Variants in BICDL1 observed in about 807,000 individuals in gnomAD.
BICDL1 encodes the protein BICD family like cargo adaptor 1.
In BICDL1, 20 loss-of-function variants were observed where a neutral mutation model predicts 76.8. The observed-to-expected ratio is 0.26, with a 90% confidence interval of 0.18 to 0.38. The LOEUF (loss-of-function observed/expected upper bound fraction) is 0.38. Among genes scored for constraint, BICDL1 ranks in the 10% least tolerant of loss-of-function variants. The pLI, the probability that BICDL1 is intolerant of heterozygous loss-of-function variation, is 1.00. For missense variants in BICDL1, 700 were observed against 798.6 expected, an observed-to-expected ratio of 0.88 and a Z score of 1.49; for synonymous variants, 383 against 337.1, an observed-to-expected ratio of 1.14 and a Z score of -1.49.
intron 1 of BICDL1, among the ~76,000 whole-genome samples, chr12:119,997,356 T>C (rs572027467): frequency 2.0e-4 from 31 of 152,328 alleles, no homozygotes; most frequent in African/African-American, 7.2e-4. Context: ...GCAATTTGTT[T>C]TATCAGTCTC....
chr12:120,086,850 G>A (rs1465711246), intron 8 of BICDL1, among the ~76,000 whole-genome samples: 3 of 152,174 alleles, frequency 2.0e-5, no homozygotes, highest in Non-Finnish European at 4.4e-5. Flanking sequence ...CATGAATGAC[G>A]AGCACTTATT....
At chr12:119,996,002 T>A (rs1951637548) in intron 1 of BICDL1, among the ~76,000 whole-genome samples, 1 of 150,084 alleles carries the variant, frequency 6.7e-6, no homozygotes. Context: ...AAAAAAAAAA[T>A]TCTCATTTTT....
At chr12:119,992,186 T>A (rs1951538263) in intron 1 of BICDL1, among the ~76,000 whole-genome samples, 3 of 152,212 alleles carry the variant, frequency 2.0e-5, no homozygotes, top group Non-Finnish European at 4.4e-5. Flanking sequence ...TTTAAAGTTT[T>A]AAAAATGTTC....
Position 120,057,981 on chromosome 12 carries a change from C to T in BICDL1, c.646-3729C>T, listed in dbSNP as rs532751927. ...GAATAGCTGGGACCACAGGCGCCCG[C>T]CACCACGCCTGGAGAATTTTTTTTT... On this transcript the variant is annotated intron_variant, in intron 2 of 9. Transcript: ENST00000548673. Among the ~76,000 whole-genome samples the T allele has an allele frequency of 2.6e-5, 4 of 152,082 alleles. No homozygotes were observed. The South Asian group carries it at 6.2e-4, about 24-fold the overall frequency.
chr12:120,085,296 AAAG>A (rs1214068792), intron 8 of BICDL1, among the ~76,000 whole-genome samples: 1 of 152,080 alleles, frequency 6.6e-6, no homozygotes, highest in Non-Finnish European at 1.5e-5. Context: ...AACAAAAAAA[AAAG>A]AAGTAGCCAG....
Position 120,093,253 on chromosome 12 carries a change from C to A in BICDL1, c.*92C>A, listed in dbSNP as rs1875143798. The A allele has an allele frequency of 2.1e-6, 3 of 1,409,102 alleles. No homozygotes were observed. The highest frequency in any genetic ancestry group is 9.7e-7 in the Non-Finnish European group (1 of 1,029,330). 87.3% of individuals were successfully genotyped at this position (1,409,102 alleles called of 1,614,324 possible). A position where few individuals can be genotyped will look rare whatever the true frequency, so the allele number is the denominator to read the frequency against. ...GCCTCCCCTGCAGCTTGCACCTCAG[C>A]AGCTGCCCTGCCCCTCATGCTAGGG... On this transcript the variant is annotated 3_prime_UTR_variant, in exon 10 of 10. Coordinates refer to ENST00000548673, the MANE Select transcript of BICDL1 (RefSeq NM_001367886.1).
At chr12:120,022,223 A>G (rs760016933) in intron 2 of BICDL1, among the ~76,000 whole-genome samples, 4 of 150,142 alleles carry the variant, frequency 2.7e-5, no homozygotes, top group Non-Finnish European at 4.4e-5. Flanking sequence ...AACTAGGTCT[A>G]TTCAGCTTCA....
intron 2 of BICDL1, among the ~76,000 whole-genome samples, chr12:120,012,002 G>A (rs915132998): frequency 2.7e-4 from 41 of 152,290 alleles, no homozygotes; most frequent in African/African-American, 9.4e-4. Context: ...GTACGTATGC[G>A]ATCTCTGTTG....
chr12:120,023,651 G>A (rs12314638), intron 2 of BICDL1, among the ~76,000 whole-genome samples: 13,062 of 152,008 alleles, frequency 0.086, 678 homozygotes, highest in African/African-American at 0.14. Context: ...TTAGCTGAGC[G>A]TGCTGGCAGG....
chr12:120,014,829 TA>T (rs771610015), intron 2 of BICDL1, among the ~76,000 whole-genome samples: 18 of 150,404 alleles, frequency 1.2e-4, no homozygotes, highest in African/African-American at 2.2e-4. Context: ...CTCCCATCTC[TA>T]AAAAAAAATT....
chr12:120,070,239 C>T (rs1872984501), intron 4 of BICDL1, among the ~76,000 whole-genome samples: 1 of 152,202 alleles, frequency 6.6e-6, no homozygotes, highest in African/African-American at 2.4e-5. Context: ...CTCCCACCAG[C>T]ATTGCCCCAC....
At chr12:120,055,252 C>A (rs926611525) in intron 2 of BICDL1, among the ~76,000 whole-genome samples, 4 of 152,128 alleles carry the variant, frequency 2.6e-5, no homozygotes, top group African/African-American at 9.7e-5. Flanking sequence ...TGTTTTCTTT[C>A]AACAAATAAG....
At chr12:120,068,424 A>G (rs1355172263) in intron 4 of BICDL1, among the ~76,000 whole-genome samples, 1 of 152,208 alleles carries the variant, frequency 6.6e-6, no homozygotes, top group Non-Finnish European at 1.5e-5. Flanking sequence ...GGCATGTGGC[A>G]TGTGGTCGTG....
In BICDL1 at chr12:120,093,263, G is replaced by GC; in HGVS notation, c.*106dup. 3.0e-6 allele frequency: 4 copies of GC among 1,348,892 alleles called. No individual in the cohort carries two copies. The highest frequency in any genetic ancestry group is 4.1e-6 in the Non-Finnish European group (4 of 974,974). 83.6% of individuals were successfully genotyped at this position (1,348,892 alleles called of 1,614,324 possible). On this transcript the variant is annotated 3_prime_UTR_variant, in exon 10 of 10. Coordinates refer to ENST00000548673, the MANE Select transcript of BICDL1 (RefSeq NM_001367886.1). ...CAGCTTGCACCTCAGCAGCTGCCCTGCCCCTCATGCTAGGGCCCCATGGGT... is the reference window on the plus strand; with the variant it reads ...CAGCTTGCACCTCAGCAGCTGCCCTGCCCCCTCATGCTAGGGCCCCATGGGT...
chr12:120,057,933 C>T (rs929799729), intron 2 of BICDL1, among the ~76,000 whole-genome samples: 1 of 149,600 alleles, frequency 6.7e-6, no homozygotes, highest in African/African-American at 2.5e-5. Flanking sequence ...CGGGCTCATG[C>T]CATTCTCCTG....
intron 6 of BICDL1, among the ~76,000 whole-genome samples, chr12:120,073,458 C>T (rs527309387): frequency 1.2e-4 from 19 of 152,100 alleles, no homozygotes; most frequent in African/African-American, 2.7e-4. Context: ...CTGAAGCTTC[C>T]GCCAAAAGAA....
intron 2 of BICDL1, among the ~76,000 whole-genome samples, chr12:120,050,481 A>T (rs1952835258): frequency 6.6e-6 from 1 of 151,574 alleles, no homozygotes; most frequent in Non-Finnish European, 1.5e-5. Context: ...GTTAGCCAGG[A>T]TGGTCTCGAT....
chr12:120,092,843 C>T (rs953523748), intron 9 of BICDL1, 157 bp from the exon 10 acceptor site: 24 of 985,322 alleles, frequency 2.4e-5, no homozygotes, highest in Admixed American at 6.1e-5. Flanking sequence ...GTCTTGCCCA[C>T]GCTCACCGCT....
chr12:120,048,255 G>A (rs1952786505), intron 2 of BICDL1, among the ~76,000 whole-genome samples: 2 of 151,756 alleles, frequency 1.3e-5, no homozygotes, highest in African/African-American at 2.4e-5. Context: ...TTGCAGGCAC[G>A]ATCATAGCTT....
Sources: gnomAD v4.1 joint callset for allele counts (sites outside exome capture counted in the v4.1 genomes callset) on GRCh38, gnomAD v4.1.1 for gene constraint, MANE v1.5 for transcripts, NCBI Gene and HGNC (gene_info 2026-07-23, HGNC 2026-07-21) for gene names.